The following ESYT2 variants were observed in gnomAD, a reference collection of about 807,000 sequenced individuals.
The protein encoded by ESYT2 is extended synaptotagmin 2, also known as extended synaptotagmin-2.
A neutral mutation model predicts 107.2 loss-of-function variants in ESYT2; 54 were observed. That is an observed-to-expected ratio of 0.50 (90% CI 0.40 to 0.63). ESYT2 has a LOEUF of 0.63. ESYT2 is among the 30% of genes least tolerant of loss of function. ESYT2 has a pLI of 0.00. For synonymous variants in ESYT2, 491 were observed against 434.1 expected, an observed-to-expected ratio of 1.13 and a Z score of -1.63; for missense variants, 1,020 against 1,094.5, an observed-to-expected ratio of 0.93 and a Z score of 0.96.
chr7:158,759,412 A>G, intron 13 of ESYT2, 74 bp downstream of exon 13: 1 of 1,193,078 alleles, frequency 8.4e-7, no homozygotes, highest in South Asian at 1.3e-5. Context: ...AGAGTGCTGC[A>G]CAAAGCAGTG....
At chr7:158,735,875 A>G (rs1250667920) in intron 20 of ESYT2, among the ~76,000 whole-genome samples, 1 of 152,094 alleles carries the variant, frequency 6.6e-6, no homozygotes, top group Non-Finnish European at 1.5e-5. Flanking sequence ...CGGGTGGGTG[A>G]GGAGCGTCTC....
intron 1 of ESYT2, among the ~76,000 whole-genome samples, chr7:158,822,954 G>A (rs1840327708): frequency 6.6e-6 from 1 of 152,034 alleles, no homozygotes; most frequent in Non-Finnish European, 1.5e-5. Context: ...AAGCAAAGGT[G>A]TACCTCACTT....
At chr7:158,786,709 C>T (rs1264008953) in intron 6 of ESYT2, among the ~76,000 whole-genome samples, 2 of 151,814 alleles carry the variant, frequency 1.3e-5, no homozygotes, top group African/African-American at 4.8e-5. Flanking sequence ...TAGATAAACC[C>T]GTATTTTAAA....
rs772642754 is a variant in ESYT2, at chr7:158,771,519, G to A, written c.803+1822C>T. ...TGGCCCTTGCACACACAAGTTGGGC[G>A]GGGACCTAGCGGGAAAGGCGACTAA... is the stretch of plus-strand genomic sequence containing the variant. On this transcript the variant is annotated intron_variant, in intron 7 of 22. Coordinates refer to ENST00000275418, the MANE Select transcript of ESYT2 (RefSeq NM_001367773.1). Among the ~76,000 whole-genome samples, 9 of 152,316 alleles carry A rather than the reference G, an allele frequency of 5.9e-5. No individual in the cohort carries two copies. In the South Asian group the frequency reaches 6.2e-4, roughly 11 times the overall value.
rs1284875075 is a variant in ESYT2 at position 158,738,327 on chromosome 7, ATACACAC to A, written c.2267+689_2267+695del. On this transcript the variant is annotated intron_variant, in intron 19 of 22. Coordinates refer to ENST00000275418, the MANE Select transcript of ESYT2 (RefSeq NM_001367773.1). ...ACTCTGTCTCCAAAAAAAAAAAAAA[ATACACAC>A]ACACACACAGACACACACACACACA... is the stretch of plus-strand genomic sequence containing the variant. Among the ~76,000 whole-genome samples, 157 of 105,478 alleles carry A rather than the reference ATACACAC, an allele frequency of 1.5e-3. 4 individuals are homozygous for A. Among genetic ancestry groups the A allele is most frequent in the East Asian group, 3.3e-3 (11 of 3,372 alleles). The allele number at this position is 105,478 out of a possible 152,430, so 69.2% of individuals were successfully genotyped here.
At chr7:158,754,641 C>T (rs1837692363) in intron 13 of ESYT2, among the ~76,000 whole-genome samples, 1 of 152,202 alleles carries the variant, frequency 6.6e-6, no homozygotes, top group African/African-American at 2.4e-5. Flanking sequence ...AAATACCACT[C>T]ATCTCAGATG....
chr7:158,781,030 A>G (rs1838764468), intron 6 of ESYT2, among the ~76,000 whole-genome samples: 1 of 152,238 alleles, frequency 6.6e-6, no homozygotes, highest in African/African-American at 2.4e-5. Flanking sequence ...GAGAAAGAAA[A>G]TAAGTGTGAG....
At chr7:158,782,341 T>C (rs113133063) in intron 6 of ESYT2, among the ~76,000 whole-genome samples, 1,612 of 142,070 alleles carry the variant, frequency 0.011, 42 homozygotes, top group African/African-American at 0.041. Flanking sequence ...CAGTGTGAGG[T>C]GTGAGTGTAA....
intron 8 of ESYT2, among the ~76,000 whole-genome samples, chr7:158,766,527 C>T (rs1263329378): frequency 1.3e-5 from 2 of 152,052 alleles, no homozygotes; most frequent in Admixed American, 6.5e-5. Flanking sequence ...TGAATGCCAG[C>T]GATATAACCA....
intron 1 of ESYT2, among the ~76,000 whole-genome samples, chr7:158,822,920 T>C (rs549302971): frequency 6.6e-6 from 1 of 152,296 alleles, no homozygotes; most frequent in African/African-American, 2.4e-5. Flanking sequence ...TTAAAAACTT[T>C]TACAGTTTTA....
intron 1 of ESYT2, among the ~76,000 whole-genome samples, chr7:158,822,626 A>G (rs543160914): frequency 7.2e-4 from 110 of 152,014 alleles, no homozygotes; most frequent in Non-Finnish European, 9.7e-4. Context: ...GTTCAAATAT[A>G]TAAAATTAAA....
At chr7:158,774,692 C>G (rs1838486602) in intron 6 of ESYT2, among the ~76,000 whole-genome samples, 1 of 152,222 alleles carries the variant, frequency 6.6e-6, no homozygotes, top group African/African-American at 2.4e-5. Flanking sequence ...AGGATTCTAT[C>G]ATTTAGTTCT....
At chr7:158,779,664 G>C (rs62480266) in intron 6 of ESYT2, among the ~76,000 whole-genome samples, 16,014 of 152,148 alleles carry the variant, frequency 0.11, 890 homozygotes, top group African/African-American at 0.13. Context: ...TGTGCAGACG[G>C]TGCTGCGGCC....
chr7:158,734,435 C>T lies in ESYT2; in HGVS notation c.2542G>A (p.Gly848Ser). The change falls in exon 22 of 23, where the codon GGC becomes AGC. Residue 848 changes from glycine (G) to serine (S), a missense_variant. By Grantham distance (56) the Gly-to-Ser change is moderately conservative. Transcript: ENST00000275418. The part of the protein sequence containing the change: ...VALASEELAK[G>S]WTQWYDLTED... ...AGGGACACTCACCACTGGGTCCAGC[C>T]TTTGGCAAGTTCTTCAGATGCCAGA... 1 of 1,614,018 alleles carries T rather than the reference C, an allele frequency of 6.2e-7. No homozygotes were observed. Among genetic ancestry groups the T allele is most frequent in the Non-Finnish European group, 8.5e-7 (1 of 1,179,940 alleles).
intron 1 of ESYT2, among the ~76,000 whole-genome samples, chr7:158,815,666 C>T (rs1299056550): frequency 1.3e-5 from 2 of 152,148 alleles, no homozygotes; most frequent in Non-Finnish European, 2.9e-5. Flanking sequence ...CATCTCAGTT[C>T]CCACAGTTCC....
chr7:158,797,637 T>G (rs2602555), intron 3 of ESYT2, among the ~76,000 whole-genome samples: 1 of 151,708 alleles, frequency 6.6e-6, no homozygotes, highest in Non-Finnish European at 1.5e-5. Context: ...AGGCAGATCA[T>G]GAGGTCAGGA....
At chr7:158,736,980 C>A in intron 20 of ESYT2, 68 bp downstream of exon 20, 1 of 1,586,082 alleles carries the variant, frequency 6.3e-7, no homozygotes, top group Non-Finnish European at 8.6e-7. Flanking sequence ...TCAAAGGCAC[C>A]ATTTAGGGCC....
chr7:158,753,799 G>T (rs1055911354), intron 13 of ESYT2, among the ~76,000 whole-genome samples: 14 of 152,082 alleles, frequency 9.2e-5, no homozygotes, highest in Admixed American at 6.5e-4. Context: ...TCTCTAGGTG[G>T]AGCCTGGACA....
chr7:158,829,201 C>T lies in ESYT2; in HGVS notation c.218G>A (p.Cys73Tyr). Residue 73 changes from cysteine to tyrosine, a missense_variant, in exon 1 of 23, where the codon TGT becomes TAT. By Grantham distance (194) the Cys-to-Tyr change is radical. Transcript: ENST00000275418. ...GGCCTTGAGGCCGCGGCTGCGGCGA[C>T]ACCAGGCGAGCAGCGCGAGCGCGAG... ...VLLALALLAWCRRSRGLKALR... is the reference protein window; with the variant it reads ...VLLALALLAWYRRSRGLKALR... 1 of 1,532,800 alleles carries T rather than the reference C, an allele frequency of 6.5e-7. No homozygotes were observed. Among genetic ancestry groups the T allele is most frequent in the Non-Finnish European group, 8.7e-7 (1 of 1,147,494 alleles). The allele number at this position is 1,532,800 out of a possible 1,614,324, so 94.9% of individuals were successfully genotyped here. A position where few individuals can be genotyped will look rare whatever the true frequency, so the allele number is the denominator to read the frequency against.
Sources: gnomAD v4.1 joint callset for allele counts (sites outside exome capture counted in the v4.1 genomes callset) on GRCh38, gnomAD v4.1.1 for gene constraint, MANE v1.5 for transcripts, NCBI Gene and HGNC (gene_info 2026-07-23, HGNC 2026-07-21) for gene names.